Variants in CFAP263 observed in about 807,000 individuals in gnomAD.
CFAP263 encodes cilia and flagella associated protein 263.
the CFAP263 span, among the ~76,000 whole-genome samples, chr16:58,256,748 C>G: frequency 1.3e-5 from 2 of 152,174 alleles, no homozygotes; most frequent in South Asian, 2.1e-4. Flanking sequence ...AGTGAAAATG[C>G]TTTTGCCTCT....
At chr16:58,261,696 GA>G in the CFAP263 span, among the ~76,000 whole-genome samples, 1 of 152,278 alleles carries the variant, frequency 6.6e-6, no homozygotes, top group East Asian at 1.9e-4. Flanking sequence ...GTTGTTTTGG[GA>G]AGGGGAAGAA....
the CFAP263 span, among the ~76,000 whole-genome samples, chr16:58,273,338 A>G: frequency 0.14 from 21,732 of 151,956 alleles, 1,672 homozygotes; most frequent in East Asian, 0.2. Context: ...ACTTAGTGGT[A>G]TTCCACATTT....
At chr16:58,259,027 A>AAATG in the CFAP263 span, among the ~76,000 whole-genome samples, 12 of 148,490 alleles carry the variant, frequency 8.1e-5, no homozygotes, top group African/African-American at 1.7e-4. Context: ...ATAAATAAAT[A>AAATG]AATGCGTGTT....
chr16:58,257,508 A>G, the CFAP263 span, among the ~76,000 whole-genome samples: 1 of 151,928 alleles, frequency 6.6e-6, no homozygotes, highest in African/African-American at 2.4e-5. Context: ...ATCATAGCAC[A>G]CTACAGCCTC....
At chr16:58,269,409 A>G in the CFAP263 span, among the ~76,000 whole-genome samples, 4 of 129,628 alleles carry the variant, frequency 3.1e-5, no homozygotes, top group Admixed American at 1.6e-4. Context: ...AAGAAAGGAA[A>G]GAAAGGAAGG....
the CFAP263 span, among the ~76,000 whole-genome samples, chr16:58,274,633 G>A: frequency 4.6e-5 from 7 of 152,298 alleles, no homozygotes; most frequent in Admixed American, 6.5e-5. Flanking sequence ...GCTACCTTGC[G>A]AAAATGTGCC....
At chr16:58,269,908 A>G in the CFAP263 span, among the ~76,000 whole-genome samples, 1 of 152,240 alleles carries the variant, frequency 6.6e-6, no homozygotes, top group East Asian at 1.9e-4. Context: ...TCTAACACCT[A>G]GAAAAACTAC....
the CFAP263 span, among the ~76,000 whole-genome samples, chr16:58,257,145 G>A: frequency 1.1e-3 from 134 of 118,782 alleles, 3 homozygotes; most frequent in East Asian, 4.8e-3. Flanking sequence ...AGCCTCCCAA[G>A]TAGCTGGGAC....
the CFAP263 span, chr16:58,278,332 G>T: frequency 1.5e-6 from 1 of 688,494 alleles, no homozygotes; most frequent in Admixed American, 2.9e-5. Context: ...TCAGAATCTT[G>T]TGATTCCCAC....
At chr16:58,253,784 G>C in the CFAP263 span, among the ~76,000 whole-genome samples, 4 of 152,136 alleles carry the variant, frequency 2.6e-5, no homozygotes, top group Non-Finnish European at 5.9e-5. Context: ...TCAAACATAG[G>C]CCTTTGAAGT....
At chr16:58,255,940 G>C in the CFAP263 span, among the ~76,000 whole-genome samples, 4 of 152,188 alleles carry the variant, frequency 2.6e-5, no homozygotes, top group Non-Finnish European at 5.9e-5. Flanking sequence ...GTGTCTCTTA[G>C]TGAGTCCAAT....
At chr16:58,280,338 A>C in the CFAP263 span, 1 of 1,614,142 alleles carries the variant, frequency 6.2e-7, no homozygotes, top group Non-Finnish European at 8.5e-7. Context: ...CCCCACCGTA[A>C]TAGTCATAGT....
the CFAP263 span, chr16:58,283,705 T>A: frequency 1.3e-5 from 2 of 152,142 alleles, no homozygotes; most frequent in Admixed American, 6.5e-5. Context: ...ATTGTTAAGA[T>A]CCCCCACCTG....
chr16:58,275,922 A>C, the CFAP263 span, among the ~76,000 whole-genome samples: 1 of 152,232 alleles, frequency 6.6e-6, no homozygotes, highest in Non-Finnish European at 1.5e-5. Flanking sequence ...TCTTGGAATG[A>C]AGAGGTCTTT....
At chr16:58,278,495 C>T in the CFAP263 span, 2 of 1,614,078 alleles carry the variant, frequency 1.2e-6, no homozygotes, top group Non-Finnish European at 1.7e-6. Flanking sequence ...CGGGCCAAAG[C>T]CGAGGCAGTG....
chr16:58,250,880 T>C, the CFAP263 span, among the ~76,000 whole-genome samples: 1 of 152,094 alleles, frequency 6.6e-6, no homozygotes, highest in African/African-American at 2.4e-5. Context: ...GATATAAGCA[T>C]GGAGATGGAC....
At chr16:58,276,103 A>G in the CFAP263 span, among the ~76,000 whole-genome samples, 1 of 152,246 alleles carries the variant, frequency 6.6e-6, no homozygotes, top group Non-Finnish European at 1.5e-5. Flanking sequence ...CTATAGATCA[A>G]CAAGAAAAAA....
At chr16:58,276,995 T>G in the CFAP263 span, among the ~76,000 whole-genome samples, 1 of 152,202 alleles carries the variant, frequency 6.6e-6, no homozygotes, top group South Asian at 2.1e-4. Flanking sequence ...CAGTGTATGC[T>G]TCTGGGCAGG....
At chr16:58,274,747 C>T in the CFAP263 span, among the ~76,000 whole-genome samples, 1 of 152,124 alleles carries the variant, frequency 6.6e-6, no homozygotes, top group Non-Finnish European at 1.5e-5. Context: ...TAAAATTGTC[C>T]AGTCTTGGGT....
Sources: gnomAD v4.1 joint callset for allele counts (sites outside exome capture counted in the v4.1 genomes callset) on GRCh38, gnomAD v4.1.1 for gene constraint, MANE v1.5 for transcripts, NCBI Gene and HGNC (gene_info 2026-07-23, HGNC 2026-07-21) for gene names.